The following SECISBP2 variants were observed in gnomAD, a reference collection of about 807,000 sequenced individuals.
SECISBP2 encodes the protein selenocysteine insertion sequence-binding protein 2.
Under a neutral mutation model 98.2 loss-of-function variants are expected in SECISBP2, and 96 were observed. The observed-to-expected ratio is 0.98, with a 90% confidence interval of 0.83 to 1.16. The LOEUF (loss-of-function observed/expected upper bound fraction) is 1.16, where lower values mean the gene tolerates loss of function less well. Among genes scored for constraint, SECISBP2 ranks in the 50% most tolerant of loss-of-function variants. SECISBP2 has a pLI of 0.00. For missense variants in SECISBP2, 1,046 were observed against 1,022.9 expected (o/e 1.02, Z -0.31); for synonymous variants, 407 against 370.2 (o/e 1.10, Z -1.14).
At chr9:89,351,121 C>G (rs76040494) in intron 14 of SECISBP2, among the ~76,000 whole-genome samples, 1,751 of 152,338 alleles carry the variant, frequency 0.011, 40 homozygotes, top group African/African-American at 0.04. Context: ...AAAGACCTGC[C>G]TCTGTTGTGC....
the SECISBP2 span, chr9:89,365,420 C>G: frequency 6.6e-6 from 1 of 152,540 alleles, no homozygotes; most frequent in Non-Finnish European, 1.5e-5. Flanking sequence ...GCTCCCTGAC[C>G]AGCACCTGCC....
Position 89,346,708 on chromosome 9 carries a change from A to ATTG in SECISBP2, c.1436-174_1436-173insTTG, listed in dbSNP as rs1564411957. On this transcript the variant is annotated intron_variant, in intron 10 of 16. Transcript: ENST00000375807. ...TTTCATTTGGAATTACTGCCAATGA[A>ATTG]AAGAATGTGTAAGAGATTGTTCTCA... Among the ~76,000 whole-genome samples, 7 of 152,334 alleles carry ATTG rather than the reference A, an allele frequency of 4.6e-5. No individual in the cohort carries two copies. The South Asian group carries it at 1.2e-3, about 27-fold the overall frequency.
intron 7 of SECISBP2, among the ~76,000 whole-genome samples, 166 bp downstream of exon 7, chr9:89,334,896 A>T (rs1470268728): frequency 6.6e-6 from 1 of 152,220 alleles, no homozygotes; most frequent in African/African-American, 2.4e-5. Context: ...AGTGTACTTA[A>T]TGCCACTGAA....
intron 14 of SECISBP2, chr9:89,355,620 T>C (rs985507704): frequency 4.2e-6 from 4 of 946,030 alleles, no homozygotes; most frequent in Admixed American, 6.2e-5. Context: ...GCAGAGACTT[T>C]AGGTGTTTTA....
In SECISBP2 at chr9:89,334,537, C is replaced by T. The variant is rs1004844168; in HGVS notation, c.896C>T (p.Pro299Leu). 1.9e-6 allele frequency: 3 copies of T among 1,613,890 alleles called. No homozygotes were observed. The highest frequency in any genetic ancestry group is 1.7e-5 in the Admixed American group (1 of 60,008). ...CTTTGAGCAGAGTTATCTTGGACACCAATGGGTTATGTTGTTCGACAGACA... is the reference window on the plus strand; with the variant it reads ...CTTTGAGCAGAGTTATCTTGGACACTAATGGGTTATGTTGTTCGACAGACA... ...PSCTRELSWTPMGYVVRQTLS... is the reference protein window; with the variant it reads ...PSCTRELSWTLMGYVVRQTLS... The change falls in exon 7 of 17, where the codon CCA becomes CTA. Residue 299 changes from proline (P) to leucine (L), a missense_variant. Coordinates refer to ENST00000375807, the MANE Select transcript of SECISBP2 (RefSeq NM_024077.5).
chr9:89,339,717 G>A (rs1829359624), intron 8 of SECISBP2, 147 bp from the exon 9 acceptor site: 5 of 653,224 alleles, frequency 7.7e-6, no homozygotes, highest in Non-Finnish European at 1.4e-5. Flanking sequence ...AAATAAAGCA[G>A]AAGCTCTTAT....
intron 3 of SECISBP2, 39 bp downstream of exon 3, chr9:89,325,715 TTGCTTTAA>T: frequency 6.2e-7 from 1 of 1,613,722 alleles, no homozygotes; most frequent in Non-Finnish European, 8.5e-7. Flanking sequence ...CTTTAGTTGG[TTGCTTTAA>T]TGTTTAAAAT....
At chr9:89,343,579 G>A (rs528123120) in intron 10 of SECISBP2, among the ~76,000 whole-genome samples, 3 of 152,236 alleles carry the variant, frequency 2.0e-5, no homozygotes, top group South Asian at 4.1e-4. Flanking sequence ...CCAATTATAA[G>A]TGAGAACATG....
Position 89,338,459 on chromosome 9 carries a change from C to G in SECISBP2, c.1091C>G (p.Ser364Cys), listed in dbSNP as rs1376540883. Residue 364 changes from serine to cysteine, a missense_variant and splice_region_variant, in exon 8 of 17, where the codon TCT becomes TGT. Ser to Cys is a moderately radical substitution (Grantham distance 112, BLOSUM62 -1). Transcript: ENST00000375807. ...TTTTGCTTTGATTTTCTGTTCTAGT[C>G]TAAAGCATCACAAGGTAGTGACCTT... is the stretch of plus-strand genomic sequence containing the variant. ...EKHIIHPTQK[S>C]KASQGSDLEQ... is the part of the protein sequence containing the mutation. 1.2e-6 allele frequency: 2 copies of G among 1,613,308 alleles called. No individual in the cohort carries two copies. The highest frequency in any genetic ancestry group is 1.7e-6 in the Non-Finnish European group (2 of 1,179,920).
chr9:89,344,255 G>T (rs1830113960), intron 10 of SECISBP2, among the ~76,000 whole-genome samples: 1 of 152,166 alleles, frequency 6.6e-6, no homozygotes, highest in Non-Finnish European at 1.5e-5. Context: ...CTCCCATTCT[G>T]TAGGCTGTCT....
intron 12 of SECISBP2, 71 bp from the exon 13 acceptor site, chr9:89,349,705 C>A: frequency 6.5e-7 from 1 of 1,537,322 alleles, no homozygotes; most frequent in Non-Finnish European, 9.0e-7. Context: ...GGTGAGACTG[C>A]ATTGGGCCAG....
intron 12 of SECISBP2, among the ~76,000 whole-genome samples, chr9:89,349,034 C>G (rs1830864108): frequency 6.6e-6 from 1 of 152,224 alleles, no homozygotes; most frequent in Non-Finnish European, 1.5e-5. Flanking sequence ...AGCAGAATTG[C>G]TTTAGTAGCT....
chr9:89,343,969 G>A (rs573904478), intron 10 of SECISBP2, among the ~76,000 whole-genome samples: 2 of 152,290 alleles, frequency 1.3e-5, no homozygotes, highest in Admixed American at 6.5e-5. Flanking sequence ...GTGTATAAGC[G>A]ATTCTTTTTC....
downstream of SECISBP2, chr9:89,362,460 G>A (rs1413306853): frequency 3.7e-6 from 6 of 1,613,878 alleles, no homozygotes; most frequent in African/African-American, 1.3e-5. Flanking sequence ...TGAATCCTTG[G>A]TGGAACGGAT....
intron 10 of SECISBP2, among the ~76,000 whole-genome samples, 171 bp from the exon 11 acceptor site, chr9:89,346,711 G>A (rs1830467864): frequency 7.2e-6 from 1 of 138,512 alleles, no homozygotes; most frequent in Non-Finnish European, 1.7e-5. Context: ...CCAATGAAAA[G>A]AATGTGTAAG....
In SECISBP2 at chr9:89,357,122, T is replaced by A. The variant is rs1440431522; in HGVS notation, c.2114-289T>A. 9.1e-6 allele frequency: 4 copies of A among 439,416 alleles called. No individual in the cohort carries two copies. In the East Asian group the frequency reaches 1.5e-4, roughly 16 times the overall value. 27.2% of individuals were successfully genotyped at this position (439,416 alleles called of 1,614,324 possible). A position where few individuals can be genotyped will look rare whatever the true frequency, so the allele number is the denominator to read the frequency against. ...GAGGACACAGCATCTGTCTGCCTTT[T>A]GGGATTTGGGGGAGGACACAGGAGC... On this transcript the variant is annotated intron_variant, in intron 14 of 16. Transcript: ENST00000375807.
intron 16 of SECISBP2, 45 bp downstream of exon 16, chr9:89,358,236 T>C (rs1564459126): frequency 2.6e-6 from 4 of 1,563,918 alleles, no homozygotes; most frequent in Non-Finnish European, 3.5e-6. Context: ...TGTCCTCTTA[T>C]TTACTGACTT....
Position 89,328,743 on chromosome 9 carries a change from A to T in SECISBP2, c.658A>T (p.Thr220Ser), listed in dbSNP as rs1428571931. The T allele has an allele frequency of 6.2e-7, 1 of 1,614,110 alleles. No individual in the cohort carries two copies. Among genetic ancestry groups the T allele is most frequent in the African/African-American group, 1.3e-5 (1 of 74,950 alleles). ...CTCCAAACCTGAGTTTGAATTTACCACACTGGACTTTCCTGAACTGCAAGG... is the reference window on the plus strand; with the variant it reads ...CTCCAAACCTGAGTTTGAATTTACCTCACTGGACTTTCCTGAACTGCAAGG... The part of the protein sequence containing the change: ...STSKPEFEFT[T>S]LDFPELQGAE... Residue 220 changes from threonine (T) to serine (S), a missense_variant, in exon 5 of 17, where the codon ACA (threonine) becomes TCA (serine). By Grantham distance (58) the Thr-to-Ser change is moderately conservative. Transcript: ENST00000375807.
chr9:89,332,688 A>G (rs1474308893), intron 5 of SECISBP2: 1 of 566,350 alleles, frequency 1.8e-6, no homozygotes, highest in East Asian at 3.0e-5. Flanking sequence ...GATAATTACC[A>G]AGGAGTGCAG....
Sources: allele counts gnomAD v4.1 joint callset (sites outside exome capture counted in the v4.1 genomes callset), GRCh38; gene constraint gnomAD v4.1.1; transcripts MANE v1.5; gene names NCBI Gene and HGNC (gene_info 2026-07-23, HGNC 2026-07-21).